RIOK3: variants seen among roughly 807,000 people sequenced by gnomAD.
RIOK3 encodes the protein RIO kinase 3.
A neutral mutation model predicts 63.5 loss-of-function variants in RIOK3; 40 were observed. That is an observed-to-expected ratio of 0.63 (90% CI 0.49 to 0.82). RIOK3 has a LOEUF of 0.82. RIOK3 is among the 40% of genes least tolerant of loss of function. The pLI is 0.00. For missense variants in RIOK3, 557 were observed against 637.0 expected (o/e 0.87, Z 1.35); for synonymous variants, 193 against 205.0 (o/e 0.94, Z 0.50).
intron 6 of RIOK3, 59 bp from the exon 7 acceptor site, chr18:23,467,340 C>T: frequency 6.5e-7 from 1 of 1,538,590 alleles, no homozygotes; most frequent in Non-Finnish European, 8.8e-7. Flanking sequence ...TTAGAAGTGG[C>T]TCAGAAAATA....
intron 12 of RIOK3, among the ~76,000 whole-genome samples, chr18:23,480,557 A>ACGCACACG (rs1351734174): frequency 1.4e-5 from 1 of 69,794 alleles, no homozygotes; most frequent in Non-Finnish European, 3.0e-5. Flanking sequence ...GGATGCACGC[A>ACGCACACG]CACACACACA....
intron 2 of RIOK3, 189 bp downstream of exon 2, chr18:23,463,268 G>GT (rs767291749): frequency 1.9e-5 from 9 of 466,066 alleles, no homozygotes; most frequent in Non-Finnish European, 3.4e-5. Context: ...ACAAACCACT[G>GT]TTTCTGTGGG....
Position 23,467,522 on chromosome 18 carries a change from G to A in RIOK3, c.811G>A (p.Gly271Arg). 6.2e-7 allele frequency: 1 copy of A among 1,612,690 alleles called. No homozygotes were observed. Among genetic ancestry groups the A allele is most frequent in the Non-Finnish European group, 8.5e-7 (1 of 1,179,162 alleles). Reference sequence around the variant, plus strand: ...GTCTGTTGTCTTTCATGCATATGGAGGGAGGTAAATGAGCAAAATATGATA... The same window carrying A: ...GTCTGTTGTCTTTCATGCATATGGAAGGAGGTAAATGAGCAAAATATGATA... ...KESVVFHAYG[G>R]SMEDEKEDSK... The change falls in exon 7 of 13, where the codon GGG becomes AGG. Residue 271 changes from glycine (G) to arginine (R), a missense_variant. This residue lies in a region of RIOK3 where 309 missense variants were observed against 338.7 expected (regional missense o/e 0.91). Coordinates refer to ENST00000339486, the MANE Select transcript of RIOK3 (RefSeq NM_003831.5).
chr18:23,468,033 C>T (rs1194066579), intron 7 of RIOK3, among the ~76,000 whole-genome samples: 1 of 152,184 alleles, frequency 6.6e-6, no homozygotes, highest in African/African-American at 2.4e-5. Flanking sequence ...TCGCCTTGGC[C>T]TCCCAAAGTG....
intron 1 of RIOK3, among the ~76,000 whole-genome samples, chr18:23,458,422 A>G (rs1256741499): frequency 6.6e-6 from 1 of 152,094 alleles, no homozygotes; most frequent in Non-Finnish European, 1.5e-5. Context: ...AGGAGAGGAA[A>G]ACAGGGTGGG....
At chr18:23,477,570 C>T in intron 11 of RIOK3, among the ~76,000 whole-genome samples, 1 of 151,512 alleles carries the variant, frequency 6.6e-6, no homozygotes, top group South Asian at 2.1e-4. Flanking sequence ...TCAAGACCAG[C>T]CTGGCCAACA....
At chr18:23,477,394 A>G in intron 11 of RIOK3, 126 bp downstream of exon 11, 1 of 737,790 alleles carries the variant, frequency 1.4e-6, no homozygotes. Flanking sequence ...GGCTGCTTTC[A>G]GGACAAGGAT....
At chr18:23,480,194 T>A (rs2057522047) in intron 12 of RIOK3, among the ~76,000 whole-genome samples, 3 of 152,132 alleles carry the variant, frequency 2.0e-5, no homozygotes, top group African/African-American at 7.2e-5. Flanking sequence ...AAAGGTGAAA[T>A]AGCAGTTAAT....
At chr18:23,460,489 T>G (rs2057366945) in intron 1 of RIOK3, among the ~76,000 whole-genome samples, 1 of 152,222 alleles carries the variant, frequency 6.6e-6, no homozygotes, top group African/African-American at 2.4e-5. Context: ...TACCTCAGTT[T>G]TAAAATCCAT....
At chr18:23,456,993 A>G (rs2057345257) in intron 1 of RIOK3, among the ~76,000 whole-genome samples, 1 of 152,234 alleles carries the variant, frequency 6.6e-6, no homozygotes, top group East Asian at 1.9e-4. Flanking sequence ...AAAACACGAG[A>G]ATACCAAGCA....
At chr18:23,475,195 C>T in intron 9 of RIOK3, 88 bp downstream of exon 9, 1 of 1,011,508 alleles carries the variant, frequency 9.9e-7, no homozygotes. Context: ...AGAAGCCAGG[C>T]ATGTTGGCTC....
At chr18:23,476,970 T>C (rs1567899977) in intron 9 of RIOK3, 36 bp from the exon 10 acceptor site, 1 of 1,558,834 alleles carries the variant, frequency 6.4e-7, no homozygotes, top group Non-Finnish European at 8.8e-7. Flanking sequence ...ACCACTTAAT[T>C]ATTCATTTCC....
At position 23,473,409 on chromosome 18, in the gene RIOK3, A is replaced by ATTTT; in HGVS notation, c.816-15_816-12dup. ...TGAGCTGGCAACTTGTACTGACTTG[A>ATTTT]TTTTTTTTCTTCCACTTAGCATGGA... On this transcript the variant is annotated intron_variant, in intron 7 of 12. Transcript: ENST00000339486. 1 of 1,549,022 alleles carries ATTTT rather than the reference A, an allele frequency of 6.5e-7. No homozygotes were observed. Among genetic ancestry groups the ATTTT allele is most frequent in the Non-Finnish European group, 8.8e-7 (1 of 1,132,980 alleles).
At chr18:23,469,500 T>G (rs2057441434) in intron 7 of RIOK3, among the ~76,000 whole-genome samples, 1 of 149,432 alleles carries the variant, frequency 6.7e-6, no homozygotes, top group South Asian at 2.1e-4. Context: ...CTTTCTTTTT[T>G]TTTTTGAGAT....
At chr18:23,460,587 A>G (rs1000877308) in intron 1 of RIOK3, among the ~76,000 whole-genome samples, 6 of 152,256 alleles carry the variant, frequency 3.9e-5, no homozygotes, top group Admixed American at 2.0e-4. Context: ...TGACTTAAAT[A>G]TAGTGAATAT....
chr18:23,457,006 C>T (rs1417205080), intron 1 of RIOK3, among the ~76,000 whole-genome samples: 1 of 152,216 alleles, frequency 6.6e-6, no homozygotes, highest in African/African-American at 2.4e-5. Flanking sequence ...ACCAAGCACA[C>T]ATTCCATTGG....
intron 2 of RIOK3, 24 bp downstream of exon 2, chr18:23,463,103 T>A (rs117180203): frequency 0.016 from 23,448 of 1,438,062 alleles, 257 homozygotes; most frequent in Non-Finnish European, 0.02. Flanking sequence ...ACAAATACTT[T>A]ATCTAGCAAC....
At chr18:23,479,232 T>C (rs1256882002) in intron 11 of RIOK3, 85 bp from the exon 12 acceptor site, 2 of 823,806 alleles carry the variant, frequency 2.4e-6, no homozygotes, top group Non-Finnish European at 4.1e-6. Flanking sequence ...TCCAAGTCTT[T>C]TTATAAATGT....
At chr18:23,464,649 A>C in intron 5 of RIOK3, 21 bp downstream of exon 5, 1 of 1,402,278 alleles carries the variant, frequency 7.1e-7, no homozygotes, top group South Asian at 1.3e-5. Flanking sequence ...GAAAGTATCT[A>C]TCTCTGAATT....
Sources: gnomAD v4.1 joint callset for allele counts (sites outside exome capture counted in the v4.1 genomes callset) on GRCh38, gnomAD v4.1.1 for gene constraint, gnomAD v4.1.1 regional missense constraint, MANE v1.5 for transcripts, NCBI Gene and HGNC (gene_info 2026-07-23, HGNC 2026-07-21) for gene names.